Variants in CADM2 observed in about 807,000 individuals in gnomAD.
CADM2 encodes cell adhesion molecule 2.
A neutral mutation model predicts 49.8 loss-of-function variants in CADM2; 12 were observed. The observed-to-expected ratio is 0.24, with a 90% CI of 0.15 to 0.39. The LOEUF (loss-of-function observed/expected upper bound fraction) is 0.39. Among genes scored for constraint, CADM2 ranks in the 10% least tolerant of loss-of-function variants. The pLI is 1.00. For missense variants in CADM2, 378 were observed against 492.3 expected (o/e 0.77, Z 2.20); for synonymous variants, 214 against 175.4 (o/e 1.22, Z -1.74).
chr3:85,726,161 A>G (rs2067688003), intron 1 of CADM2, among the ~76,000 whole-genome samples: 1 of 151,994 alleles, frequency 6.6e-6, no homozygotes. Context: ...TTACAATCTG[A>G]TTGTTAAATA....
At position 85,768,006 on chromosome 3, in the gene CADM2, T is replaced by C. The variant is rs569294559; in HGVS notation, c.89-34041T>C. 7.9e-5 allele frequency among the ~76,000 whole-genome samples: 12 copies of C among 152,242 alleles called. No homozygotes were observed. In the East Asian group the frequency reaches 2.3e-3, roughly 29 times the overall value. On this transcript the variant is annotated intron_variant, in intron 2 of 9. Transcript: ENST00000383699. ...ATCTGTTTTGTTGATTATAACTGAT[T>C]ATTGTTCAGACGATAATGTATCTTT...
chr3:85,394,614 T>C (rs1375529954), intron 1 of CADM2, among the ~76,000 whole-genome samples: 1 of 152,222 alleles, frequency 6.6e-6, no homozygotes, highest in Non-Finnish European at 1.5e-5. Flanking sequence ...CTGTGTAAAG[T>C]TAACTGGACT....
intron 1 of CADM2, among the ~76,000 whole-genome samples, chr3:85,327,575 C>A (rs2044787627): frequency 6.9e-6 from 1 of 145,270 alleles, no homozygotes; most frequent in Non-Finnish European, 1.5e-5. Context: ...CACACACACA[C>A]ACACACACAC....
At chr3:85,158,405 G>A (rs535452690) in intron 1 of CADM2, among the ~76,000 whole-genome samples, 1 of 152,252 alleles carries the variant, frequency 6.6e-6, no homozygotes, top group Admixed American at 6.5e-5. Flanking sequence ...TGTTTACTGC[G>A]GCAGTATTCA....
chr3:85,186,652 C>T (rs527973589), intron 1 of CADM2, among the ~76,000 whole-genome samples: 1 of 151,960 alleles, frequency 6.6e-6, no homozygotes, highest in Admixed American at 6.6e-5. Flanking sequence ...GGATGTTTAA[C>T]ACCATCCCTG....
intron 4 of CADM2, among the ~76,000 whole-genome samples, chr3:85,885,572 C>T (rs2108398681): frequency 6.6e-6 from 1 of 151,438 alleles, no homozygotes; most frequent in Non-Finnish European, 1.5e-5. Flanking sequence ...ATCCCAGCTA[C>T]TCAGGAGGCT....
intron 1 of CADM2, among the ~76,000 whole-genome samples, chr3:85,529,514 C>T (rs2061247079): frequency 6.6e-6 from 1 of 152,106 alleles, no homozygotes; most frequent in Non-Finnish European, 1.5e-5. Context: ...ATATGTGAGA[C>T]CATAATTGCT....
At chr3:85,572,680 AGTCTTT>A (rs1203701306) in intron 1 of CADM2, among the ~76,000 whole-genome samples, 1 of 152,222 alleles carries the variant, frequency 6.6e-6, no homozygotes, top group African/African-American at 2.4e-5. Context: ...TGGTGTCACT[AGTCTTT>A]AAGTCCTGGA....
chr3:84,963,128 T>C (rs1158668986), intron 1 of CADM2, among the ~76,000 whole-genome samples: 1 of 152,222 alleles, frequency 6.6e-6, no homozygotes, highest in Admixed American at 6.5e-5. Context: ...GAATGTAGGC[T>C]ACTTAAATAG....
At chr3:85,023,500 A>G (rs1199184396) in intron 1 of CADM2, among the ~76,000 whole-genome samples, 2 of 151,930 alleles carry the variant, frequency 1.3e-5, no homozygotes, top group East Asian at 1.9e-4. Flanking sequence ...TACTAGTGGT[A>G]TAGATTGGAT....
At chr3:86,036,159 T>C (rs902181255) in intron 8 of CADM2, among the ~76,000 whole-genome samples, 5 of 152,252 alleles carry the variant, frequency 3.3e-5, no homozygotes, top group Non-Finnish European at 7.4e-5. Flanking sequence ...CTAATCTGTG[T>C]CATGACCTTA....
chr3:85,124,002 A>G (rs1452033687), intron 1 of CADM2, among the ~76,000 whole-genome samples: 1 of 152,156 alleles, frequency 6.6e-6, no homozygotes, highest in African/African-American at 2.4e-5. Flanking sequence ...GATATTAGTG[A>G]GGAGGTTGAT....
intron 8 of CADM2, among the ~76,000 whole-genome samples, chr3:85,968,615 T>C (rs1425422853): frequency 2.0e-5 from 3 of 151,758 alleles, no homozygotes; most frequent in Non-Finnish European, 4.4e-5. Context: ...TATTTACATA[T>C]AATATTTTCT....
intron 8 of CADM2, among the ~76,000 whole-genome samples, chr3:86,061,108 C>T (rs1382909663): frequency 6.6e-6 from 1 of 151,280 alleles, no homozygotes; most frequent in Non-Finnish European, 1.5e-5. Context: ...AACATATGAC[C>T]CAATACCATA....
chr3:85,941,247 A>G (rs774839030), intron 7 of CADM2, among the ~76,000 whole-genome samples: 2 of 152,136 alleles, frequency 1.3e-5, no homozygotes, highest in Non-Finnish European at 2.9e-5. Context: ...TTTCCAACTC[A>G]GAAGTCTTAC....
intron 1 of CADM2, among the ~76,000 whole-genome samples, chr3:85,352,766 T>C (rs555454247): frequency 6.6e-6 from 1 of 152,278 alleles, no homozygotes; most frequent in East Asian, 1.9e-4. Flanking sequence ...AATGACTGGA[T>C]GACCATGTCA....
chr3:85,813,141 G>A (rs1278563086), intron 3 of CADM2, among the ~76,000 whole-genome samples: 1 of 152,098 alleles, frequency 6.6e-6, no homozygotes, highest in Non-Finnish European at 1.5e-5. Context: ...TTCCACAATG[G>A]TTGAACTAAT....
chr3:85,070,722 G>A (rs2107471624), intron 1 of CADM2, among the ~76,000 whole-genome samples: 1 of 152,266 alleles, frequency 6.6e-6, no homozygotes, highest in South Asian at 2.1e-4. Flanking sequence ...GCCAGGGGCA[G>A]TGGATCACGC....
At chr3:85,947,473 A>G (rs1349127278) in intron 7 of CADM2, among the ~76,000 whole-genome samples, 1 of 151,574 alleles carries the variant, frequency 6.6e-6, no homozygotes, top group African/African-American at 2.4e-5. Flanking sequence ...ATTAAAAATT[A>G]AAAGCAATAT....
Sources: gnomAD v4.1 joint callset for allele counts (sites outside exome capture counted in the v4.1 genomes callset) on GRCh38, gnomAD v4.1.1 for gene constraint, MANE v1.5 for transcripts, NCBI Gene and HGNC (gene_info 2026-07-23, HGNC 2026-07-21) for gene names.